MOCS1: variants seen among roughly 807,000 people sequenced by gnomAD.
MOCS1 encodes the protein molybdenum cofactor synthesis 1.
In MOCS1, 39 loss-of-function variants were observed where a neutral mutation model predicts 57.6. That is an observed-to-expected ratio of 0.68 (90% confidence interval 0.52 to 0.88). The LOEUF (loss-of-function observed/expected upper bound fraction) is 0.88. MOCS1 is among the 40% of genes least tolerant of loss of function. The pLI is 0.00. For synonymous variants in MOCS1, 334 were observed against 335.7 expected, an observed-to-expected ratio of 1.00 and a Z score of 0.05; for missense variants, 795 against 831.1, an observed-to-expected ratio of 0.96 and a Z score of 0.53.
rs772025786 is a variant in MOCS1, at chr6:39,906,150, T to G, written c.*207A>C. On this transcript the variant is annotated 3_prime_UTR_variant, in exon 11 of 11. Transcript: ENST00000340692. ...TGGAAGGCTTAAGGGCCTGCTGGTA[T>G]CCTCCCTATAGAAAGGAAGCCCCAT... 1.4e-6 allele frequency: 1 copy of G among 724,772 alleles called. No individual in the cohort carries two copies. Among genetic ancestry groups the G allele is most frequent in the African/African-American group, 1.7e-5 (1 of 57,742 alleles). The allele number at this position is 724,772 out of a possible 1,614,324, so 44.9% of individuals were successfully genotyped here.
chr6:39,913,470 C>A, intron 5 of MOCS1, 42 bp from the exon 6 acceptor site: 2 of 1,568,904 alleles, frequency 1.3e-6, no homozygotes, highest in Middle Eastern at 3.4e-4. Flanking sequence ...GTGCCCCCTG[C>A]ATTCTTTTGT....
intron 1 of MOCS1, among the ~76,000 whole-genome samples, chr6:39,930,937 G>A (rs1451535877): frequency 2.6e-5 from 4 of 152,198 alleles, no homozygotes; most frequent in Admixed American, 6.5e-5. Context: ...TCCTGGCACC[G>A]AGGTTTTCAT....
intron 1 of MOCS1, 21 bp from the exon 2 acceptor site, chr6:39,927,476 G>C: frequency 6.2e-7 from 1 of 1,610,010 alleles, no homozygotes; most frequent in Non-Finnish European, 8.5e-7. Flanking sequence ...AGACCAGGGA[G>C]GAAGCATGGG....
At chr6:39,915,275 G>A (rs1767590313) in intron 4 of MOCS1, among the ~76,000 whole-genome samples, 1 of 152,158 alleles carries the variant, frequency 6.6e-6, no homozygotes, top group Non-Finnish European at 1.5e-5. Context: ...AGGGTATTAA[G>A]CAAGGCATCA....
chr6:39,910,454 G>C (rs1255314045), intron 8 of MOCS1, among the ~76,000 whole-genome samples: 1 of 152,184 alleles, frequency 6.6e-6, no homozygotes, highest in Non-Finnish European at 1.5e-5. Context: ...TCACTGCTTG[G>C]AAGCTTCAGC....
chr6:39,918,642 A>G (rs1767794074), intron 3 of MOCS1, among the ~76,000 whole-genome samples: 1 of 151,898 alleles, frequency 6.6e-6, no homozygotes, highest in South Asian at 2.1e-4. Flanking sequence ...AAATGACTCT[A>G]TAAAATCATA....
chr6:39,912,846 G>T (rs755060286), intron 7 of MOCS1, 46 bp downstream of exon 7: 11 of 1,466,506 alleles, frequency 7.5e-6, no homozygotes, highest in African/African-American at 5.6e-5. Flanking sequence ...TAGGGTGGAG[G>T]TACGACCTTC....
At chr6:39,915,991 G>A (rs1302839921) in intron 4 of MOCS1, 77 bp downstream of exon 4, 1 of 1,503,242 alleles carries the variant, frequency 6.7e-7, no homozygotes, top group African/African-American at 1.4e-5. Context: ...CCAGGCCCCT[G>A]GCTCAGCAAT....
At position 39,925,733 on chromosome 6, in the gene MOCS1, C is replaced by A; in HGVS notation, c.363G>T (p.Lys121Asn). The A allele has an allele frequency of 6.2e-7, 1 of 1,612,846 alleles. No homozygotes were observed. Among genetic ancestry groups the A allele is most frequent in the Non-Finnish European group, 8.5e-7 (1 of 1,179,984 alleles). ...GCGGCTCTCCACCTGTGAGCCGGAT[C>A]TTGTCGATGCCTTCCTTCACAAAGA... ...ARLFVKEGIDKIRLTGGEPLI... is the reference protein window; with the variant it reads ...ARLFVKEGIDNIRLTGGEPLI... Residue 121 changes from lysine (K) to asparagine (N), a missense_variant, in exon 3 of 11, where the codon AAG becomes AAT. Physicochemically the swap from Lys to Asn is moderately conservative, Grantham distance 94 (BLOSUM62 0). Coordinates refer to ENST00000340692, the MANE Select transcript of MOCS1 (RefSeq NM_001358530.2).
rs892033313 is a variant in MOCS1, at chr6:39,934,101, C to A, written c.123+194G>T. ...CAGGGAGGTTCTGAAGCGGGACTCC[C>A]AGGAACCTCTCCCGCTGGGCTAGCG... On this transcript the variant is annotated intron_variant, in intron 1 of 10. Coordinates refer to ENST00000340692, the MANE Select transcript of MOCS1 (RefSeq NM_001358530.2). Among the ~76,000 whole-genome samples the A allele has an allele frequency of 3.9e-5, 6 of 152,028 alleles. No homozygotes were observed. The East Asian group carries it at 1.2e-3, about 30-fold the overall frequency.
At chr6:39,929,212 A>G (rs929963786) in intron 1 of MOCS1, among the ~76,000 whole-genome samples, 2 of 152,180 alleles carry the variant, frequency 1.3e-5, no homozygotes, top group Non-Finnish European at 2.9e-5. Context: ...AGTAAGCAGC[A>G]GTCACTTCTC....
rs1219847498 is a variant in MOCS1, at chr6:39,916,054, C to T, written c.583+14G>A. On this transcript the variant is annotated intron_variant, in intron 4 of 10. Transcript: ENST00000340692. ...GCCCTGGGAGGGACACCCACCCCAT[C>T]CACATCCGCTCACCTTTCCTGCGGA... is the stretch of plus-strand genomic sequence containing the variant. 1 of 1,594,458 alleles carries T rather than the reference C, an allele frequency of 6.3e-7. No individual in the cohort carries two copies. Among genetic ancestry groups the T allele is most frequent in the Non-Finnish European group, 8.5e-7 (1 of 1,171,168 alleles).
intron 2 of MOCS1, among the ~76,000 whole-genome samples, 194 bp from the exon 3 acceptor site, chr6:39,926,039 G>A (rs1483155254): frequency 2.6e-5 from 4 of 152,196 alleles, no homozygotes; most frequent in Non-Finnish European, 5.9e-5. Flanking sequence ...TCTCATTTCT[G>A]AAACGTTAAC....
At position 39,916,103 on chromosome 6, in the gene MOCS1, A is replaced by C; in HGVS notation, c.548T>G (p.Val183Gly). Residue 183 changes from valine (V) to glycine (G), a missense_variant, in exon 4 of 11, where the codon GTG becomes GGG. By Grantham distance (109) the Val-to-Gly change is moderately radical (BLOSUM62 -3). This residue lies in a region of MOCS1 where 416 missense variants were observed against 392.4 expected (regional missense o/e 1.06). Transcript: ENST00000340692. ...SAINISLDTL[V>G]PAKFEFIVRR... ...GACAATGAACTCAAACTTGGCAGGCACCAGGGTGTCCAGGCTGATGTTGAT... is the reference window on the plus strand; with the variant it reads ...GACAATGAACTCAAACTTGGCAGGCCCCAGGGTGTCCAGGCTGATGTTGAT... 1.9e-6 allele frequency: 3 copies of C among 1,613,140 alleles called. No individual in the cohort carries two copies. Among genetic ancestry groups the C allele is most frequent in the Non-Finnish European group, 2.5e-6 (3 of 1,179,704 alleles).
At chr6:39,907,812 G>T (rs1478051133) in intron 10 of MOCS1, among the ~76,000 whole-genome samples, 1 of 152,110 alleles carries the variant, frequency 6.6e-6, no homozygotes, top group African/African-American at 2.4e-5. Flanking sequence ...GACCTTCCAA[G>T]TCAATCCAAA....
intron 3 of MOCS1, among the ~76,000 whole-genome samples, chr6:39,921,392 A>G (rs1977244): frequency 0.64 from 96,902 of 151,238 alleles, 31,421 homozygotes; most frequent in East Asian, 0.85. Flanking sequence ...GAGCAAGACT[A>G]CGTCTAAAAA....
At chr6:39,931,815 G>A (rs902019739) in intron 1 of MOCS1, among the ~76,000 whole-genome samples, 1 of 151,980 alleles carries the variant, frequency 6.6e-6, no homozygotes, top group South Asian at 2.1e-4. Flanking sequence ...TGCTTCCCCC[G>A]CCACAGGCAG....
intron 10 of MOCS1, 139 bp from the exon 11 acceptor site, chr6:39,907,256 A>G (rs1562083969): frequency 2.1e-6 from 2 of 940,390 alleles, no homozygotes; most frequent in Non-Finnish European, 1.5e-6. Context: ...AACAAAAAGC[A>G]TAGTGGGACA....
chr6:39,913,409 C>G lies in MOCS1; in HGVS notation c.665G>C (p.Arg222Pro). The change falls in exon 6 of 11, where the codon CGA (arginine) becomes CCA (proline). Residue 222 changes from arginine (R) to proline (P), a missense_variant. Arg to Pro is a moderately radical substitution (Grantham distance 103). This residue lies in a region of MOCS1 where 416 missense variants were observed against 392.4 expected (regional missense o/e 1.06). Transcript: ENST00000340692. ...NPVKVNCVVM[R>P]GLNEDELLDF... ...CAGGAGTTCATCCTCGTTAAGGCCTCGCATCACCACACAGTTCACCTGGCC... is the reference window on the plus strand; with the variant it reads ...CAGGAGTTCATCCTCGTTAAGGCCTGGCATCACCACACAGTTCACCTGGCC... 2 of 1,614,202 alleles carry G rather than the reference C, an allele frequency of 1.2e-6. No individual in the cohort carries two copies. The highest frequency in any genetic ancestry group is 1.7e-6 in the Non-Finnish European group (2 of 1,180,022).
Sources: gnomAD v4.1 joint callset for allele counts (sites outside exome capture counted in the v4.1 genomes callset) on GRCh38, gnomAD v4.1.1 for gene constraint, gnomAD v4.1.1 regional missense constraint, MANE v1.5 for transcripts, NCBI Gene and HGNC (gene_info 2026-07-23, HGNC 2026-07-21) for gene names.